ARHGAP25: variants seen among roughly 807,000 people sequenced by gnomAD.
The protein encoded by ARHGAP25 is rho GTPase-activating protein 25.
A neutral mutation model predicts 71.0 loss-of-function variants in ARHGAP25; 34 were observed. The observed-to-expected ratio is 0.48, with a 90% confidence interval of 0.36 to 0.64. The LOEUF is 0.64. ARHGAP25 is among the 30% of genes least tolerant of loss of function. The pLI is 0.00. For missense variants in ARHGAP25, 706 were observed against 805.1 expected (o/e 0.88, Z 1.49); for synonymous variants, 282 against 296.5 (o/e 0.95, Z 0.50).
chr2:68,744,188 C>T (rs1675681049), intron 1 of ARHGAP25, among the ~76,000 whole-genome samples: 1 of 151,792 alleles, frequency 6.6e-6, no homozygotes, highest in East Asian at 1.9e-4. Flanking sequence ...TAAAATCACA[C>T]AAAAATTCCT....
At chr2:68,792,403 G>A (rs1026085674) in intron 4 of ARHGAP25, among the ~76,000 whole-genome samples, 34 of 152,026 alleles carry the variant, frequency 2.2e-4, no homozygotes, top group African/African-American at 7.0e-4. Flanking sequence ...ATCATACACC[G>A]CCTTCCATCC....
chr2:68,800,189 T>G (rs926530706), intron 4 of ARHGAP25, among the ~76,000 whole-genome samples: 3 of 150,076 alleles, frequency 2.0e-5, no homozygotes, highest in East Asian at 4.0e-4. Context: ...GCAGGCACAG[T>G]GTGTATGGGG....
At chr2:68,801,456 GA>G (rs1245101741) in intron 4 of ARHGAP25, among the ~76,000 whole-genome samples, 108 of 152,324 alleles carry the variant, frequency 7.1e-4, no homozygotes, top group Non-Finnish European at 7.5e-4. Flanking sequence ...CAAGAAGAAG[GA>G]GGTGGCTTGC....
chr2:68,722,866 A>T (rs1674796173), intron 2 of ARHGAP25, among the ~76,000 whole-genome samples: 1 of 152,178 alleles, frequency 6.6e-6, no homozygotes, highest in Non-Finnish European at 1.5e-5. Context: ...CACTTGGTGC[A>T]GACACCCTCA....
chr2:68,787,464 C>T (rs2292902), intron 3 of ARHGAP25, among the ~76,000 whole-genome samples: 67,724 of 152,050 alleles, frequency 0.45, 15,466 homozygotes, highest in African/African-American at 0.52. Flanking sequence ...AAAGTATCCA[C>T]GGTTGGCGTG....
At position 68,826,074 on chromosome 2, in the gene ARHGAP25, A is replaced by G; in HGVS notation, c.1821A>G (p.Leu607=). 1 of 1,614,122 alleles carries G rather than the reference A, an allele frequency of 6.2e-7. No individual in the cohort carries two copies. Among genetic ancestry groups the G allele is most frequent in the South Asian group, 1.1e-5 (1 of 91,086 alleles). The change falls in exon 11 of 11, where the codon CTA becomes CTG. Residue 607 remains leucine (L), a synonymous_variant. Transcript: ENST00000409202. ...LEKEKKKSAA[L]EISLRNMERS... ...AGGAAAAGAAGAAGTCTGCAGCCCT[A>G]GAGATCAGCCTCCGCAACATGGAGC...
At chr2:68,816,563 G>A (rs868434) in intron 7 of ARHGAP25, 185,077 of 567,426 alleles carry the variant, frequency 0.33, 31,524 homozygotes, top group East Asian at 0.49. Flanking sequence ...AAAAATGAAC[G>A]TGCTCCCCCA....
intron 9 of ARHGAP25, among the ~76,000 whole-genome samples, chr2:68,820,449 T>A (rs1479768951): frequency 2.6e-5 from 4 of 152,160 alleles, no homozygotes; most frequent in African/African-American, 9.7e-5. Flanking sequence ...CAGTCCTCCC[T>A]TCAGAACCCA....
intron 1 of ARHGAP25, among the ~76,000 whole-genome samples, chr2:68,770,552 C>G (rs1250451369): frequency 6.6e-6 from 1 of 152,164 alleles, no homozygotes; most frequent in Non-Finnish European, 1.5e-5. Context: ...TCTCAGCTGA[C>G]TTCTCTGTTC....
chr2:68,812,610 G>A (rs6546439), intron 5 of ARHGAP25, among the ~76,000 whole-genome samples: 86,007 of 151,992 alleles, frequency 0.57, 24,857 homozygotes, highest in East Asian at 0.87. Context: ...TAGGATCCTG[G>A]GTCCTGGGCT....
chr2:68,826,145 A>T lies in ARHGAP25; in HGVS notation c.1892A>T (p.Glu631Val), dbSNP rs1398047108. 4 of 1,614,018 alleles carry T rather than the reference A, an allele frequency of 2.5e-6. No individual in the cohort carries two copies. The change falls in exon 11 of 11, where the codon GAA becomes GTA. Residue 631 changes from glutamate (E) to valine (V), a missense_variant. Transcript: ENST00000409202. ...AAGAGGAACAAGGCCTTGGAAGAAG[A>T]AGTCAAGGAATTTGTCAAATCCATG... Reference protein sequence around the residue: ...VEKRNKALEEEVKEFVKSMKE... With the variant: ...VEKRNKALEEVVKEFVKSMKE...
chr2:68,824,317 T>A (rs1409496490), intron 10 of ARHGAP25, among the ~76,000 whole-genome samples: 1 of 152,214 alleles, frequency 6.6e-6, no homozygotes, highest in Non-Finnish European at 1.5e-5. Context: ...CCCAGGCTCC[T>A]GAGCCCACAC....
At chr2:68,752,840 C>T (rs1182084525) in intron 1 of ARHGAP25, among the ~76,000 whole-genome samples, 3 of 152,128 alleles carry the variant, frequency 2.0e-5, no homozygotes, top group Non-Finnish European at 2.9e-5. Flanking sequence ...AAATTACACA[C>T]ACATAAATAT....
At chr2:68,755,507 G>A (rs1233129299) in intron 1 of ARHGAP25, among the ~76,000 whole-genome samples, 2 of 152,222 alleles carry the variant, frequency 1.3e-5, no homozygotes, top group Admixed American at 6.5e-5. Flanking sequence ...CTCACCGCCC[G>A]CCAATCCATC....
chr2:68,809,593 G>A (rs182604247), intron 5 of ARHGAP25, among the ~76,000 whole-genome samples: 415 of 152,038 alleles, frequency 2.7e-3, no homozygotes, highest in Non-Finnish European at 4.5e-3. Context: ...GAAAGGGAGG[G>A]TTTTCAGAGT....
intron 7 of ARHGAP25, 39 bp from the exon 8 acceptor site, chr2:68,817,834 T>C: frequency 6.2e-7 from 1 of 1,611,098 alleles, no homozygotes; most frequent in Non-Finnish European, 8.5e-7. Flanking sequence ...TCCTGGCTAC[T>C]TCCTGCTTTC....
intron 1 of ARHGAP25, among the ~76,000 whole-genome samples, chr2:68,760,296 T>C (rs1676723147): frequency 6.6e-6 from 1 of 151,952 alleles, no homozygotes; most frequent in Non-Finnish European, 1.5e-5. Flanking sequence ...GATGTCCACT[T>C]TTGCAACTTC....
At chr2:68,776,827 G>A (rs1305346620) in intron 2 of ARHGAP25, among the ~76,000 whole-genome samples, 2 of 152,156 alleles carry the variant, frequency 1.3e-5, no homozygotes, top group Admixed American at 6.5e-5. Flanking sequence ...ACAAAATCCC[G>A]AGAAAGGCAA....
intron 5 of ARHGAP25, among the ~76,000 whole-genome samples, chr2:68,811,180 G>A (rs550889701): frequency 1.3e-5 from 2 of 152,206 alleles, no homozygotes; most frequent in African/African-American, 4.8e-5. Flanking sequence ...GGAGGCATAG[G>A]GTAGTGAAAG....
Sources: gnomAD v4.1 joint callset for allele counts (sites outside exome capture counted in the v4.1 genomes callset) on GRCh38, gnomAD v4.1.1 for gene constraint, MANE v1.5 for transcripts, NCBI Gene and HGNC (gene_info 2026-07-23, HGNC 2026-07-21) for gene names.